ANKRD18A: variants seen among roughly 807,000 people sequenced by gnomAD.
The protein encoded by ANKRD18A is ankyrin repeat domain 18A, also known as ankyrin repeat domain-containing protein 18A.
Under a neutral mutation model 110.6 loss-of-function variants are expected in ANKRD18A, and 72 were observed. The observed-to-expected ratio is 0.65, with a 90% confidence interval of 0.54 to 0.79. ANKRD18A has a LOEUF of 0.79. Among genes scored for constraint, ANKRD18A ranks in the 30% least tolerant of loss-of-function variants. The probability of loss-of-function intolerance (pLI) is 0.00; values close to 1 mark genes in which losing one functional copy is unlikely to be tolerated. For missense variants in ANKRD18A, 934 were observed against 1,163.3 expected (o/e 0.80, Z 2.87); for synonymous variants, 305 against 410.3 (o/e 0.74, Z 3.10).
At chr9:38,617,816 G>A (rs651766) in intron 1 of ANKRD18A, among the ~76,000 whole-genome samples, 9 of 152,138 alleles carry the variant, frequency 5.9e-5, no homozygotes, top group Non-Finnish European at 1.0e-4. Context: ...TAACATATTC[G>A]AGTTATGTTT....
chr9:38,581,327 C>T (rs1824151792), intron 12 of ANKRD18A, among the ~76,000 whole-genome samples: 1 of 152,122 alleles, frequency 6.6e-6, no homozygotes, highest in Non-Finnish European at 1.5e-5. Flanking sequence ...TTTCCTAAAA[C>T]CCCCTTCAAT....
intron 4 of ANKRD18A, among the ~76,000 whole-genome samples, chr9:38,610,672 T>A (rs1825577239): frequency 6.6e-6 from 1 of 152,166 alleles, no homozygotes; most frequent in Non-Finnish European, 1.5e-5. Context: ...TAATTTATAG[T>A]CCTTTGATGG....
intron 10 of ANKRD18A, among the ~76,000 whole-genome samples, chr9:38,592,734 T>C (rs909756252): frequency 4.6e-5 from 7 of 152,078 alleles, no homozygotes; most frequent in Admixed American, 3.9e-4. Context: ...TGAAATAGAC[T>C]ATTATTTGAC....
At position 38,577,984 on chromosome 9, in the gene ANKRD18A, A is replaced by T; in HGVS notation, c.2412T>A (p.Asn804Lys). ...DKKMLEEEVL[N>K]LKTHMEKDMV... is the part of the protein sequence containing the mutation. Reference sequence around the variant, plus strand: ...TATCTTTTTCCATATGTGTCTTAAGATTTAATACTTCTTCTTCCAACATCT... The same window carrying T: ...TATCTTTTTCCATATGTGTCTTAAGTTTTAATACTTCTTCTTCCAACATCT... The change falls in exon 13 of 16, where the codon AAT (asparagine) becomes AAA (lysine). Residue 804 changes from asparagine to lysine, a missense_variant. Around this residue, in one of 4 missense-constraint regions of ANKRD18A, gnomAD observed 223 missense variants for 226.7 expected, o/e 0.98. Transcript: ENST00000399703. 1 of 1,571,102 alleles carries T rather than the reference A, an allele frequency of 6.4e-7. No homozygotes were observed. Among genetic ancestry groups the T allele is most frequent in the East Asian group, 2.4e-5 (1 of 42,542 alleles).
In ANKRD18A at chr9:38,595,988, T is replaced by C. The variant is rs1824862641; in HGVS notation, c.1352A>G (p.Asp451Gly). 1.9e-6 allele frequency: 3 copies of C among 1,549,760 alleles called. No homozygotes were observed. The highest frequency in any genetic ancestry group is 2.6e-6 in the Non-Finnish European group (3 of 1,146,154). Reference protein sequence around the residue: ...DLELVLWRADDVSRHEKMGSN... With the variant: ...DLELVLWRADGVSRHEKMGSN... Reference sequence around the variant, plus strand: ...ACCCATTTTTTCATGTCTAGAAACATCATCTGCTCTCCATAAAACTAGTTC... The same window carrying C: ...ACCCATTTTTTCATGTCTAGAAACACCATCTGCTCTCCATAAAACTAGTTC... The change falls in exon 9 of 16, where the codon GAT becomes GGT. Residue 451 changes from aspartate to glycine, a missense_variant. Asp to Gly is a moderately conservative substitution (Grantham distance 94). This residue lies in a region of ANKRD18A where 630 missense variants were observed against 797.5 expected (regional missense o/e 0.79). Transcript: ENST00000399703.
At chr9:38,599,615 C>T (rs1352583127) in intron 8 of ANKRD18A, among the ~76,000 whole-genome samples, 2 of 152,026 alleles carry the variant, frequency 1.3e-5, no homozygotes, top group Admixed American at 6.6e-5. Context: ...CAGGCATGCA[C>T]CACCACACCC....
downstream of ANKRD18A, chr9:38,567,262 T>TTTCA (rs1823504101): frequency 6.6e-6 from 1 of 152,124 alleles, no homozygotes; most frequent in African/African-American, 2.4e-5. Context: ...TTCAGCCGAG[T>TTTCA]TTCAATTGAG....
chr9:38,612,742 C>A (rs1361466535), intron 3 of ANKRD18A, among the ~76,000 whole-genome samples: 1 of 152,086 alleles, frequency 6.6e-6, no homozygotes, highest in Non-Finnish European at 1.5e-5. Context: ...TGGTCTCCAT[C>A]TCCTGACCTC....
chr9:38,576,377 C>A (rs630201), intron 14 of ANKRD18A, among the ~76,000 whole-genome samples: 2,113 of 152,246 alleles, frequency 0.014, 27 homozygotes, highest in African/African-American at 0.018. Context: ...CCCTCAACAC[C>A]GTGACCAAGG....
At chr9:38,573,223 T>C in intron 15 of ANKRD18A, 1 of 607,318 alleles carries the variant, frequency 1.6e-6, no homozygotes, top group Non-Finnish European at 2.4e-6. Flanking sequence ...CCCTTAGTAT[T>C]TTTAGTGACT....
chr9:38,571,036 T>C (rs1278553692), downstream of ANKRD18A: 15 of 1,362,944 alleles, frequency 1.1e-5, no homozygotes, highest in East Asian at 3.2e-4. Flanking sequence ...GCAGGGAGAC[T>C]AATCAAGAAC....
Position 38,619,583 on chromosome 9 carries a change from A to G in ANKRD18A, c.206+497T>C, listed in dbSNP as rs140562142. On this transcript the variant is annotated intron_variant, in intron 1 of 15. Coordinates refer to ENST00000399703, the MANE Select transcript of ANKRD18A (RefSeq NM_147195.4). ...CATGCAAAAATGATAAAACCTTGAT[A>G]TCTTCATTCAGTTTATGTAAAACTG... Among the ~76,000 whole-genome samples the G allele has an allele frequency of 1.8e-4, 28 of 152,326 alleles. No homozygotes were observed. The East Asian group carries it at 5.2e-3, about 28-fold the overall frequency.
chr9:38,597,723 C>T (rs1411019875), intron 8 of ANKRD18A, among the ~76,000 whole-genome samples: 4 of 152,058 alleles, frequency 2.6e-5, no homozygotes, highest in Admixed American at 6.6e-5. Context: ...GCCTCATCTG[C>T]TTTTACTTTG....
chr9:38,615,341 T>G (rs1050293528), intron 3 of ANKRD18A, among the ~76,000 whole-genome samples: 4 of 152,136 alleles, frequency 2.6e-5, no homozygotes, highest in African/African-American at 7.2e-5. Context: ...AAAATACACC[T>G]GGGGTAGGAA....
Position 38,577,994 on chromosome 9 carries a change from T to G in ANKRD18A, c.2402A>C (p.Glu801Ala), listed in dbSNP as rs955150830. The G allele has an allele frequency of 3.2e-6, 5 of 1,564,476 alleles. No individual in the cohort carries two copies. Among genetic ancestry groups the G allele is most frequent in the Middle Eastern group, 1.7e-4 (1 of 6,010 alleles). Residue 801 changes from glutamate (E) to alanine (A), a missense_variant, in exon 13 of 16, where the codon GAA (glutamate) becomes GCA (alanine). Transcript: ENST00000399703. ...CATATGTGTCTTAAGATTTAATACT[T>G]CTTCTTCCAACATCTTTTTATCCTT... is the stretch of plus-strand genomic sequence containing the variant. ...LEKDKKMLEE[E>A]VLNLKTHMEK...
chr9:38,607,056 T>G (rs1825391553), intron 6 of ANKRD18A, among the ~76,000 whole-genome samples: 1 of 152,162 alleles, frequency 6.6e-6, no homozygotes, highest in African/African-American at 2.4e-5. Context: ...ATATGTAATC[T>G]CACTTTTTGT....
At chr9:38,573,686 G>A (rs949332923) in intron 15 of ANKRD18A, among the ~76,000 whole-genome samples, 2 of 151,676 alleles carry the variant, frequency 1.3e-5, no homozygotes, top group Admixed American at 6.6e-5. Flanking sequence ...CGGCACTCCA[G>A]CCTAGTGACA....
At chr9:38,585,335 C>T (rs184283328) in intron 12 of ANKRD18A, among the ~76,000 whole-genome samples, 1 of 152,278 alleles carries the variant, frequency 6.6e-6, no homozygotes, top group Non-Finnish European at 1.5e-5. Flanking sequence ...TCAATTGTCA[C>T]CTAAAGAATC....
intron 12 of ANKRD18A, among the ~76,000 whole-genome samples, chr9:38,585,966 A>T (rs1363710169): frequency 3.3e-5 from 5 of 152,138 alleles, no homozygotes. Flanking sequence ...ATGAGAACAC[A>T]TGGACTCAGG....
Sources: gnomAD v4.1 joint callset for allele counts (sites outside exome capture counted in the v4.1 genomes callset) on GRCh38, gnomAD v4.1.1 for gene constraint, gnomAD v4.1.1 regional missense constraint, MANE v1.5 for transcripts, NCBI Gene and HGNC (gene_info 2026-07-23, HGNC 2026-07-21) for gene names.